Variants in CACNG3 observed in about 807,000 individuals in gnomAD.
CACNG3 encodes calcium voltage-gated channel auxiliary subunit gamma 3.
CACNG3 carries 3 observed loss-of-function variants against 28.5 expected under a neutral mutation model. The ratio of observed to expected loss-of-function variants is 0.11; its 90% confidence interval spans 0.05 to 0.27. The LOEUF (loss-of-function observed/expected upper bound fraction) is 0.27. CACNG3 is among the 10% of genes least tolerant of loss of function. The pLI is 1.00. For synonymous variants in CACNG3, 174 were observed against 162.2 expected (o/e 1.07, Z -0.55); for missense variants, 236 against 414.4 (o/e 0.57, Z 3.74).
At chr16:24,340,493 C>T (rs1475934503) in intron 1 of CACNG3, among the ~76,000 whole-genome samples, 9 of 152,136 alleles carry the variant, frequency 5.9e-5, no homozygotes, top group East Asian at 3.8e-4. Context: ...TCGTTATATA[C>T]GTGTATCAAA....
At chr16:24,359,555 T>A (rs979482115) in intron 3 of CACNG3, among the ~76,000 whole-genome samples, 1 of 152,106 alleles carries the variant, frequency 6.6e-6, no homozygotes, top group African/African-American at 2.4e-5. Context: ...TGAAATATAA[T>A]GAGAAGTCCT....
chr16:24,361,268 T>C lies in CACNG3; in HGVS notation c.437-84T>C. ...CTCCTCTCTCCCCATTACCTCCACA[T>C]TTTCTATAAATATTTTAAGATGGAA... On this transcript the variant is annotated intron_variant, in intron 3 of 3. Coordinates refer to ENST00000005284, the MANE Select transcript of CACNG3 (RefSeq NM_006539.4). This position sits in a 1 kb window ranked among gnomAD's most constrained non-coding sequence, Gnocchi z 6.8. 8.7e-7 allele frequency: 1 copy of C among 1,153,284 alleles called. No homozygotes were observed. The highest frequency in any genetic ancestry group is 1.5e-5 in the South Asian group (1 of 65,420). 71.4% of individuals were successfully genotyped at this position (1,153,284 alleles called of 1,614,324 possible).
At chr16:24,301,846 GTT>G (rs1899116613) in intron 1 of CACNG3, among the ~76,000 whole-genome samples, 2 of 152,096 alleles carry the variant, frequency 1.3e-5, no homozygotes, top group African/African-American at 4.8e-5. Context: ...TTTTCTTACA[GTT>G]TAAAACAACT....
chr16:24,317,668 G>A (rs1899394829), intron 1 of CACNG3, among the ~76,000 whole-genome samples: 1 of 91,922 alleles, frequency 1.1e-5, no homozygotes, highest in African/African-American at 5.0e-5. Flanking sequence ...AAGAAAGAAA[G>A]AAAGAAAGAA....
At chr16:24,358,252 C>T (rs985621413) in intron 3 of CACNG3, among the ~76,000 whole-genome samples, 10 of 152,240 alleles carry the variant, frequency 6.6e-5, no homozygotes, top group East Asian at 1.9e-4. Context: ...TGCCCAAGAG[C>T]GTAAGCTCTG....
At position 24,361,894 on chromosome 16, in the gene CACNG3, C is replaced by T. The variant is rs748499141; in HGVS notation, c.*31C>T. On this transcript the variant is annotated 3_prime_UTR_variant, in exon 4 of 4. Transcript: ENST00000005284. This position sits in a 1 kb window ranked among gnomAD's most constrained non-coding sequence, Gnocchi z 6.8. ...CCTCTGACCTCTGCCCCACGCCCAG[C>T]ACAGCCTTGGGGGAAGTGTACAGAG... The T allele has an allele frequency of 1.3e-6, 2 of 1,572,600 alleles. No individual in the cohort carries two copies. The highest frequency in any genetic ancestry group is 3.5e-5 in the Admixed American group (2 of 57,776).
chr16:24,274,078 T>C (rs773204992), intron 1 of CACNG3, among the ~76,000 whole-genome samples: 2 of 151,692 alleles, frequency 1.3e-5, no homozygotes, highest in Non-Finnish European at 2.9e-5. Flanking sequence ...TCCCAGCTAC[T>C]CTGAAGGCTG....
chr16:24,280,088 G>A lies in CACNG3; in HGVS notation c.211+23123G>A, dbSNP rs1403597418. On this transcript the variant is annotated intron_variant, in intron 1 of 3. Coordinates refer to ENST00000005284, the MANE Select transcript of CACNG3 (RefSeq NM_006539.4). ...GTGAAAGGTCATTAGCTAAGGTTCCGTGTGACAGATGAACTGATGTTAAAA... is the reference window on the plus strand; with the variant it reads ...GTGAAAGGTCATTAGCTAAGGTTCCATGTGACAGATGAACTGATGTTAAAA... Among the ~76,000 whole-genome samples, 10 of 152,176 alleles carry A rather than the reference G, an allele frequency of 6.6e-5. 1 individual carries two copies. Among genetic ancestry groups the A allele is most frequent in the Non-Finnish European group, 1.5e-4 (10 of 68,028 alleles).
chr16:24,328,779 C>T (rs975725485), intron 1 of CACNG3, among the ~76,000 whole-genome samples: 2 of 152,068 alleles, frequency 1.3e-5, no homozygotes, highest in Admixed American at 1.3e-4. Flanking sequence ...ATGTACTCAC[C>T]AGTGCACCCA....
At position 24,256,980 on chromosome 16, in the gene CACNG3, C is replaced by G. The variant is rs763297371; in HGVS notation, c.211+15C>G. On this transcript the variant is annotated intron_variant, in intron 1 of 3. Transcript: ENST00000005284. This position sits in a 1 kb window ranked among gnomAD's most constrained non-coding sequence, Gnocchi z 4.6. The stretch of plus-strand genomic sequence containing the variant: ...CTGCCTAGAAGGTATTTACAATTTC[C>G]TCTCAATAGCTCTGAATAATCCAGT... 1 of 1,451,922 alleles carries G rather than the reference C, an allele frequency of 6.9e-7. No individual in the cohort carries two copies. The highest frequency in any genetic ancestry group is 9.7e-7 in the Non-Finnish European group (1 of 1,032,260). 89.9% of individuals were successfully genotyped at this position (1,451,922 alleles called of 1,614,324 possible).
At chr16:24,279,263 G>A (rs1466428653) in intron 1 of CACNG3, among the ~76,000 whole-genome samples, 9 of 152,132 alleles carry the variant, frequency 5.9e-5, no homozygotes, top group African/African-American at 2.2e-4. Context: ...GGAAGTGTGG[G>A]ACATGGACTG....
At chr16:24,285,609 A>T (rs2141353109) in intron 1 of CACNG3, among the ~76,000 whole-genome samples, 1 of 152,276 alleles carries the variant, frequency 6.6e-6, no homozygotes, top group Non-Finnish European at 1.5e-5. Flanking sequence ...AGGCAGGAGG[A>T]GTTCAAGTCT....
intron 1 of CACNG3, among the ~76,000 whole-genome samples, chr16:24,300,720 A>G (rs943308631): frequency 2.0e-5 from 3 of 152,058 alleles, no homozygotes; most frequent in Non-Finnish European, 4.4e-5. Flanking sequence ...GTTCAAGACC[A>G]GCCTGGCCAA....
intron 1 of CACNG3, among the ~76,000 whole-genome samples, chr16:24,316,192 GA>G (rs1022120568): frequency 2.3e-5 from 3 of 129,690 alleles, no homozygotes; most frequent in Non-Finnish European, 5.3e-5. Flanking sequence ...TGCTTTGGGG[GA>G]CTCTCAGGAA....
At chr16:24,279,279 T>C (rs1026733765) in intron 1 of CACNG3, among the ~76,000 whole-genome samples, 10 of 152,058 alleles carry the variant, frequency 6.6e-5, no homozygotes, top group African/African-American at 2.2e-4. Flanking sequence ...GACTGGGGAA[T>C]GGAAAAGGAA....
In CACNG3 at chr16:24,354,876, G is replaced by T. The variant is rs773149814; in HGVS notation, c.339G>T (p.Thr113=). 1 of 1,612,292 alleles carries T rather than the reference G, an allele frequency of 6.2e-7. No individual in the cohort carries two copies. Among genetic ancestry groups the T allele is most frequent in the South Asian group, 1.1e-5 (1 of 91,000 alleles). Residue 113 remains threonine (T), a synonymous_variant, in exon 3 of 4, where the codon ACG becomes ACT. Coordinates refer to ENST00000005284, the MANE Select transcript of CACNG3 (RefSeq NM_006539.4). ...ASSVFPILSV[T]LLFFGGLCVA... ...GTGTCTTCCCCATCCTCAGTGTCAC[G>T]CTGCTGTTCTTCGGCGGGCTCTGCG... is the stretch of plus-strand genomic sequence containing the variant.
At chr16:24,339,615 ACCTCAGGTGATCCACCGG>A (rs1476722974) in intron 1 of CACNG3, among the ~76,000 whole-genome samples, 1 of 152,082 alleles carries the variant, frequency 6.6e-6, no homozygotes, top group Non-Finnish European at 1.5e-5. Flanking sequence ...CGAACTCCAG[ACCTCAGGTGATCCACCGG>A]CCTCAGCCTC....
intron 1 of CACNG3, among the ~76,000 whole-genome samples, chr16:24,334,971 G>T (rs1161237066): frequency 6.6e-6 from 1 of 152,132 alleles, no homozygotes; most frequent in East Asian, 1.9e-4. Context: ...TCACCCCCAT[G>T]CCCAAAATAG....
At chr16:24,275,438 T>A (rs1898741320) in intron 1 of CACNG3, among the ~76,000 whole-genome samples, 1 of 152,214 alleles carries the variant, frequency 6.6e-6, no homozygotes, top group South Asian at 2.1e-4. Flanking sequence ...GCTAGATTTA[T>A]ACAGTCTGAG....
Sources: allele counts gnomAD v4.1 joint callset (sites outside exome capture counted in the v4.1 genomes callset), GRCh38; gene constraint gnomAD v4.1.1; non-coding constraint Gnocchi (gnomAD v3.1); transcripts MANE v1.5; gene names NCBI Gene and HGNC (gene_info 2026-07-23, HGNC 2026-07-21).